The following FIP1L1 variants were observed in gnomAD, a reference collection of about 807,000 sequenced individuals.
The protein encoded by FIP1L1 is pre-mRNA 3'-end-processing factor FIP1.
A neutral mutation model predicts 84.6 loss-of-function variants in FIP1L1; 21 were observed. The ratio of observed to expected loss-of-function variants is 0.25; its 90% CI spans 0.18 to 0.36. The LOEUF (loss-of-function observed/expected upper bound fraction) is 0.36. FIP1L1 is among the 10% of genes least tolerant of loss of function. The pLI is 1.00. For missense variants in FIP1L1, 526 were observed against 751.1 expected (o/e 0.70, Z 3.50); for synonymous variants, 263 against 242.3 (o/e 1.09, Z -0.80).
chr4:53,390,943 T>C, intron 7 of FIP1L1, 66 bp from the exon 8 acceptor site: 1 of 1,304,934 alleles, frequency 7.7e-7, no homozygotes, highest in East Asian at 2.4e-5. Context: ...TAGTTTAGTA[T>C]ATTTTTGATG....
chr4:53,393,191 CT>C, intron 9 of FIP1L1, among the ~76,000 whole-genome samples: 1 of 152,178 alleles, frequency 6.6e-6, no homozygotes, highest in East Asian at 1.9e-4. Context: ...GCAGGATGGG[CT>C]GTAGAATGAA....
chr4:53,433,461 C>T (rs1767635605), intron 13 of FIP1L1, among the ~76,000 whole-genome samples: 1 of 151,970 alleles, frequency 6.6e-6, no homozygotes, highest in Non-Finnish European at 1.5e-5. Context: ...TTATGGTAGG[C>T]TTTAATTTAG....
At chr4:53,455,645 C>G (rs745603919) in intron 16 of FIP1L1, among the ~76,000 whole-genome samples, 4 of 152,062 alleles carry the variant, frequency 2.6e-5, no homozygotes, top group Non-Finnish European at 4.4e-5. Flanking sequence ...AAACTAGATC[C>G]TGTTCAGAGA....
At chr4:53,440,504 T>C in intron 13 of FIP1L1, 1 of 878,146 alleles carries the variant, frequency 1.1e-6, no homozygotes, top group Non-Finnish European at 1.8e-6. Flanking sequence ...ATTTCAAAGT[T>C]TGTTTTGGTG....
At chr4:53,410,309 C>G (rs950266081) in intron 10 of FIP1L1, among the ~76,000 whole-genome samples, 8 of 152,316 alleles carry the variant, frequency 5.3e-5, no homozygotes, top group African/African-American at 1.9e-4. Context: ...GCTTCAAATG[C>G]CTAACAACTG....
intron 3 of FIP1L1, among the ~76,000 whole-genome samples, chr4:53,381,535 T>G (rs1437528100): frequency 6.6e-6 from 1 of 152,200 alleles, no homozygotes; most frequent in Non-Finnish European, 1.5e-5. Context: ...AAGCAAGCAG[T>G]AGAACAATGA....
chr4:53,429,870 T>C (rs1765802521), intron 13 of FIP1L1, among the ~76,000 whole-genome samples: 1 of 152,204 alleles, frequency 6.6e-6, no homozygotes, highest in African/African-American at 2.4e-5. Flanking sequence ...GTCACCATGC[T>C]GTACAGTAGA....
At chr4:53,415,871 A>G (rs1759273722) in intron 11 of FIP1L1, among the ~76,000 whole-genome samples, 1 of 152,214 alleles carries the variant, frequency 6.6e-6, no homozygotes. Context: ...ATAAAAATAT[A>G]TTAGCTGCAT....
Position 53,459,424 on chromosome 4 carries a change from G to A in FIP1L1, c.1760G>A (p.Ser587Asn), listed in dbSNP as rs1721320600. 6.2e-7 allele frequency: 1 copy of A among 1,612,908 alleles called. No homozygotes were observed. The highest frequency in any genetic ancestry group is 1.3e-5 in the African/African-American group (1 of 74,632). The change falls in exon 18 of 18, where the codon AGC (serine) becomes AAC (asparagine). Residue 587 changes from serine to asparagine, a missense_variant. Ser to Asn is a conservative substitution (Grantham distance 46). Transcript: ENST00000337488. ...AGSEPAPEQESTEATPAE is the reference protein window; with the variant it reads ...AGSEPAPEQENTEATPAE ...AGTGAGCCTGCCCCTGAACAGGAGA[G>A]CACCGAAGCTACACCTGCAGAATAG...
At chr4:53,408,476 G>A (rs1022022967) in intron 10 of FIP1L1, among the ~76,000 whole-genome samples, 6 of 152,136 alleles carry the variant, frequency 3.9e-5, no homozygotes, top group East Asian at 3.9e-4. Flanking sequence ...ATGTGTCTTG[G>A]AGTTGCTCTT....
chr4:53,386,737 CT>C (rs1422799834), intron 5 of FIP1L1, among the ~76,000 whole-genome samples: 2 of 152,168 alleles, frequency 1.3e-5, no homozygotes, highest in Non-Finnish European at 2.9e-5. Flanking sequence ...GTTGAAATCA[CT>C]TATGGAAGGA....
chr4:53,411,331 T>C (rs769937529), intron 10 of FIP1L1, among the ~76,000 whole-genome samples: 8 of 152,188 alleles, frequency 5.3e-5, no homozygotes, highest in Non-Finnish European at 1.0e-4. Flanking sequence ...TAATTACCAC[T>C]GCTACCTATA....
At position 53,379,093 on chromosome 4, in the gene FIP1L1, C is replaced by A; in HGVS notation, c.106C>A (p.His36Asn). ...TATAGGCCCATGGGACGTGCATGTGCACAGTGATTTGGCAAAGGACCTAGG... is the reference window on the plus strand; with the variant it reads ...TATAGGCCCATGGGACGTGCATGTGAACAGTGATTTGGCAAAGGACCTAGG... ...LYGGPWDVHV[H>N]SDLAKDLDEN... Residue 36 changes from histidine (H) to asparagine (N), a missense_variant, in exon 2 of 18, where the codon CAC (histidine) becomes AAC (asparagine). Physicochemically the swap from His to Asn is moderately conservative, Grantham distance 68. Coordinates refer to ENST00000337488, the MANE Select transcript of FIP1L1 (RefSeq NM_030917.4). 2 of 1,614,094 alleles carry A rather than the reference C, an allele frequency of 1.2e-6. No individual in the cohort carries two copies.
intron 1 of FIP1L1, chr4:53,378,598 T>A (rs1736033364): frequency 6.4e-6 from 1 of 157,084 alleles, no homozygotes; most frequent in African/African-American, 2.4e-5. Context: ...ACCCTTCGGC[T>A]TATAGTTTTC....
At chr4:53,426,302 C>T (rs1332374727) in intron 12 of FIP1L1, among the ~76,000 whole-genome samples, 1 of 151,902 alleles carries the variant, frequency 6.6e-6, no homozygotes, top group Non-Finnish European at 1.5e-5. Flanking sequence ...AGATGAGACC[C>T]AAGTCTAAAC....
intron 10 of FIP1L1, among the ~76,000 whole-genome samples, chr4:53,408,858 G>C (rs754512535): frequency 3.3e-5 from 5 of 152,060 alleles, no homozygotes; most frequent in Non-Finnish European, 7.4e-5. Context: ...GCTCCTTTAA[G>C]CACTTCTCTG....
In FIP1L1 at chr4:53,411,133, A is replaced by G. The variant is rs554193899; in HGVS notation, c.816-3482A>G. Reference sequence around the variant, plus strand: ...AGTTGGATTTAACAGAGGTTGATGTATCAGGGAATTATAAAAAAGGGATGA... The same window carrying G: ...AGTTGGATTTAACAGAGGTTGATGTGTCAGGGAATTATAAAAAAGGGATGA... On this transcript the variant is annotated intron_variant, in intron 10 of 17. Transcript: ENST00000337488. 2.6e-4 allele frequency among the ~76,000 whole-genome samples: 40 copies of G among 152,326 alleles called. No homozygotes were observed. In the East Asian group the frequency reaches 6.2e-3, roughly 24 times the overall value.
chr4:53,406,150 A>T (rs2149590022), intron 10 of FIP1L1, among the ~76,000 whole-genome samples: 1 of 152,300 alleles, frequency 6.6e-6, no homozygotes, highest in Non-Finnish European at 1.5e-5. Flanking sequence ...TGGGTTTGTT[A>T]TAGATAGCTC....
rs182225739 is a variant in FIP1L1 at position 53,410,352 on chromosome 4, C to G, written c.816-4263C>G. On this transcript the variant is annotated intron_variant, in intron 10 of 17. Coordinates refer to ENST00000337488, the MANE Select transcript of FIP1L1 (RefSeq NM_030917.4). ...GTCGTTGAGTTCTTCGACAGCTTCT[C>G]GTGTAGTTGTAAGAGGATCAACTTC... 1.1e-3 allele frequency among the ~76,000 whole-genome samples: 175 copies of G among 152,320 alleles called. 1 individual carries two copies. Among genetic ancestry groups the G allele is most frequent in the Admixed American group, 1.8e-3 (27 of 15,302 alleles).
Sources: gnomAD v4.1 joint callset for allele counts (sites outside exome capture counted in the v4.1 genomes callset) on GRCh38, gnomAD v4.1.1 for gene constraint, MANE v1.5 for transcripts, NCBI Gene and HGNC (gene_info 2026-07-23, HGNC 2026-07-21) for gene names.